The following SCAF1 variants were observed in gnomAD, a reference collection of about 807,000 sequenced individuals.
The protein encoded by SCAF1 is SR-related CTD associated factor 1.
A neutral mutation model predicts 91.2 loss-of-function variants in SCAF1; 28 were observed. That is an observed-to-expected ratio of 0.31 (90% CI 0.23 to 0.42). The LOEUF is 0.42. Ranked by LOEUF, SCAF1 falls within the 10% of genes least tolerant of loss-of-function variation. SCAF1 has a pLI of 1.00. For missense variants in SCAF1, 1,893 were observed against 1,872.1 expected (o/e 1.01, Z -0.21); for synonymous variants, 1,036 against 833.7 (o/e 1.24, Z -4.18).
rs1250066002 is a variant in SCAF1, at chr19:49,651,059, C to G, written c.670C>G (p.Arg224Gly). The change falls in exon 7 of 11, where the codon CGA (arginine) becomes GGA (glycine). Residue 224 changes from arginine to glycine, a missense_variant. Transcript: ENST00000360565. ...TGCACCCCCAGCCCCACCTGCCCCC[C>G]GATTCGATATCTATGACCCCTTCCA... Reference protein sequence around the residue: ...PPAPPAPPAPRFDIYDPFHPT... With the variant: ...PPAPPAPPAPGFDIYDPFHPT... The G allele has an allele frequency of 2.7e-6, 4 of 1,504,790 alleles. No individual in the cohort carries two copies. Among genetic ancestry groups the G allele is most frequent in the Non-Finnish European group, 3.6e-6 (4 of 1,122,746 alleles). The allele number at this position is 1,504,790 out of a possible 1,614,324, so 93.2% of individuals were successfully genotyped here.
In SCAF1 at chr19:49,653,462, G is replaced by A. The variant is rs1223428312; in HGVS notation, c.3073G>A (p.Glu1025Lys). Residue 1025 changes from glutamate to lysine, a missense_variant, in exon 7 of 11, where the codon GAG (glutamate) becomes AAG (lysine). Coordinates refer to ENST00000360565, the MANE Select transcript of SCAF1 (RefSeq NM_021228.3). The part of the protein sequence containing the change: ...AGVRGGAEEE[E>K]EEEEEEEEEE... ...GGTCCGAGGTGGGGCGGAGGAGGAG[G>A]AGGAGGAAGAAGAAGAGGAGGAGGA... The A allele has an allele frequency of 3.2e-6, 5 of 1,549,054 alleles. No individual in the cohort carries two copies.
Position 49,653,817 on chromosome 19 carries a change from CAT to C in SCAF1, c.3316+114_3316+115del. On this transcript the variant is annotated intron_variant, in intron 7 of 10. Coordinates refer to ENST00000360565, the MANE Select transcript of SCAF1 (RefSeq NM_021228.3). ...CCTGGCAGGGAGAGGTTTATAGGGACATAGACTGGGAGGGTGGGGGTGAGTAA... is the reference window on the plus strand; with the variant it reads ...CCTGGCAGGGAGAGGTTTATAGGGACAGACTGGGAGGGTGGGGGTGAGTAA... 9.3e-6 allele frequency: 10 copies of C among 1,073,252 alleles called. No individual in the cohort carries two copies. In the South Asian group the frequency reaches 1.8e-4, roughly 20 times the overall value. 66.5% of individuals were successfully genotyped at this position (1,073,252 alleles called of 1,614,324 possible).
upstream of SCAF1, among the ~76,000 whole-genome samples, chr19:49,641,440 C>T (rs2081025611): frequency 6.6e-6 from 1 of 152,188 alleles, no homozygotes; most frequent in South Asian, 2.1e-4. Context: ...CCTCAGCCTC[C>T]CGAGTAGCTG....
rs750850007 is a variant in SCAF1, at chr19:49,652,705, G to A, written c.2316G>A (p.Ala772=). Residue 772 remains alanine (A), a synonymous_variant, in exon 7 of 11, where the codon GCG becomes GCA. Transcript: ENST00000360565. ...GGGAGAAGGGGTCTCGTCGGAAGGC[G>A]CTGGACGGGGGTGACCGGGATCGGG... ...SSREKGSRRK[A]LDGGDRDRDR... The A allele has an allele frequency of 1.3e-6, 2 of 1,582,540 alleles. No individual in the cohort carries two copies. Among genetic ancestry groups the A allele is most frequent in the South Asian group, 1.1e-5 (1 of 87,572 alleles).
intron 6 of SCAF1, among the ~76,000 whole-genome samples, chr19:49,649,703 C>G (rs2081074793): frequency 6.6e-6 from 1 of 152,134 alleles, no homozygotes; most frequent in African/African-American, 2.4e-5. Context: ...CCATGTTGGT[C>G]AGGCTGGTCT....
chr19:49,649,809 A>G (rs1365614960), intron 6 of SCAF1, among the ~76,000 whole-genome samples: 4 of 152,206 alleles, frequency 2.6e-5, no homozygotes, highest in Non-Finnish European at 1.5e-5. Context: ...AGGGTGTTGG[A>G]TGAATGAACA....
rs751907003 is a variant in SCAF1, at chr19:49,645,331, T to C, written c.109-23T>C. The C allele has an allele frequency of 6.2e-7, 1 of 1,613,728 alleles. No individual in the cohort carries two copies. Among genetic ancestry groups the C allele is most frequent in the Non-Finnish European group, 8.5e-7 (1 of 1,179,778 alleles). ...AGCATCTGCCTGGGTCCTCTGACGC[T>C]TGGTTCTTCCCCCCTTCCCCAGCGA... On this transcript the variant is annotated intron_variant, in intron 2 of 10. Coordinates refer to ENST00000360565, the MANE Select transcript of SCAF1 (RefSeq NM_021228.3). This position sits in a 1 kb window ranked among gnomAD's most constrained non-coding sequence, Gnocchi z 4.6.
At chr19:49,648,798 C>G (rs1331065284) in intron 6 of SCAF1, among the ~76,000 whole-genome samples, 1 of 151,804 alleles carries the variant, frequency 6.6e-6, no homozygotes, top group East Asian at 1.9e-4. Context: ...TGGTGAAACC[C>G]TGTCTCCATT....
chr19:49,642,105 A>G (rs2081029563), upstream of SCAF1: 1 of 152,190 alleles, frequency 6.6e-6, no homozygotes, highest in Non-Finnish European at 1.5e-5. The surrounding 1 kb of genome is among the most constrained non-coding windows in gnomAD (Gnocchi z 4.0). Flanking sequence ...GCCGGCCTTC[A>G]CGTCGCCGTG....
intron 9 of SCAF1, among the ~76,000 whole-genome samples, chr19:49,655,097 G>A (rs893257466): frequency 2.0e-5 from 3 of 152,198 alleles, no homozygotes; most frequent in African/African-American, 4.8e-5. Context: ...GTGTGGGGCT[G>A]TGTGCGTACA....
chr19:49,640,557 C>T (rs2081021205), upstream of SCAF1, among the ~76,000 whole-genome samples: 2 of 152,130 alleles, frequency 1.3e-5, no homozygotes, highest in African/African-American at 4.8e-5. Flanking sequence ...GCGCGCGCGG[C>T]CGTATATAGG....
At position 49,646,083 on chromosome 19, in the gene SCAF1, A is replaced by G. The variant is rs371049592; in HGVS notation, c.167-25A>G. The G allele has an allele frequency of 6.2e-6, 10 of 1,602,986 alleles. No homozygotes were observed. In the African/African-American group the frequency reaches 8.1e-5, roughly 13 times the overall value. On this transcript the variant is annotated intron_variant, in intron 3 of 10. Transcript: ENST00000360565. This position sits in a 1 kb window ranked among gnomAD's most constrained non-coding sequence, Gnocchi z 5.6. ...CTCTGCAGCAAGTCCCCTGTGTCCA[A>G]TCCCCCATGCAAATCTCTCACCAGA...
intron 8 of SCAF1, 77 bp from the exon 9 acceptor site, chr19:49,654,575 G>T (rs575534588): frequency 5.1e-6 from 7 of 1,370,766 alleles, no homozygotes; most frequent in South Asian, 1.3e-5. Flanking sequence ...GGAAGTCAGC[G>T]TGGGAACAGT....
intron 6 of SCAF1, among the ~76,000 whole-genome samples, chr19:49,647,557 G>T (rs1482427888): frequency 6.6e-6 from 1 of 152,166 alleles, no homozygotes; most frequent in African/African-American, 2.4e-5. Context: ...GGAGAAGAAG[G>T]TGCAGTCAGC....
intron 1 of SCAF1, among the ~76,000 whole-genome samples, chr19:49,643,474 C>T (rs1233899924): frequency 6.6e-6 from 1 of 152,106 alleles, no homozygotes; most frequent in Non-Finnish European, 1.5e-5. Context: ...AAGCACTAAA[C>T]TGGTATATGA....
Position 49,653,338 on chromosome 19 carries a change from A to C in SCAF1, c.2949A>C (p.Pro983=). The change falls in exon 7 of 11, where the codon CCA becomes CCC. Residue 983 remains proline (P), a synonymous_variant. Transcript: ENST00000360565. ...GCACCCCGCCCCCCAAGGCAGCCCCACCACCCCCTGCCCTCACTCCGGACT... is the reference window on the plus strand; with the variant it reads ...GCACCCCGCCCCCCAAGGCAGCCCCCCCACCCCCTGCCCTCACTCCGGACT... ...VPSTPPPKAA[P]PPPALTPDSQ... is the part of the protein sequence containing the mutation. The C allele has an allele frequency of 6.8e-7, 1 of 1,465,592 alleles. No homozygotes were observed. Among genetic ancestry groups the C allele is most frequent in the Non-Finnish European group, 9.0e-7 (1 of 1,105,192 alleles). 90.8% of individuals were successfully genotyped at this position (1,465,592 alleles called of 1,614,324 possible).
At chr19:49,640,556 G>A (rs2081021191), upstream of SCAF1, among the ~76,000 whole-genome samples, 1 of 152,176 alleles carries the variant, frequency 6.6e-6, no homozygotes, top group African/African-American at 2.4e-5. Context: ...CGCGCGCGCG[G>A]CCGTATATAG....
intron 9 of SCAF1, among the ~76,000 whole-genome samples, chr19:49,655,198 G>T (rs1486892224): frequency 1.3e-5 from 2 of 152,144 alleles, no homozygotes; most frequent in Non-Finnish European, 2.9e-5. Flanking sequence ...CTCTGTGAGT[G>T]GGGGAGGGTG....
upstream of SCAF1, among the ~76,000 whole-genome samples, chr19:49,640,777 G>A (rs1215064058): frequency 6.6e-6 from 1 of 152,174 alleles, no homozygotes; most frequent in African/African-American, 2.4e-5. Flanking sequence ...AACGGGGCAG[G>A]GAGGGGCCGT....
Sources: allele counts gnomAD v4.1 joint callset (sites outside exome capture counted in the v4.1 genomes callset), GRCh38; gene constraint gnomAD v4.1.1; non-coding constraint Gnocchi (gnomAD v3.1); transcripts MANE v1.5; gene names NCBI Gene and HGNC (gene_info 2026-07-23, HGNC 2026-07-21).